BMPER: variants seen among roughly 807,000 people sequenced by gnomAD.
BMPER encodes BMP-binding endothelial regulator protein.
Under a neutral mutation model 87.3 loss-of-function variants are expected in BMPER, and 45 were observed. The observed-to-expected ratio is 0.52, with a 90% confidence interval of 0.41 to 0.66. The LOEUF is 0.66. Ranked by LOEUF, BMPER falls within the 30% of genes least tolerant of loss-of-function variation. The pLI is 0.00. For synonymous variants in BMPER, 326 were observed against 316.2 expected, an observed-to-expected ratio of 1.03 and a Z score of -0.33; for missense variants, 784 against 867.5, an observed-to-expected ratio of 0.90 and a Z score of 1.21.
At chr7:34,145,573 A>C (rs941499663) in intron 14 of BMPER, among the ~76,000 whole-genome samples, 4 of 152,204 alleles carry the variant, frequency 2.6e-5, no homozygotes, top group Non-Finnish European at 5.9e-5. Flanking sequence ...GGGTCCTTCC[A>C]GCCATCTTGA....
intron 12 of BMPER, among the ~76,000 whole-genome samples, chr7:34,080,737 G>C (rs1788991278): frequency 6.6e-6 from 1 of 152,182 alleles, no homozygotes; most frequent in Non-Finnish European, 1.5e-5. Flanking sequence ...AGATTCTACT[G>C]ATATGGAAAT....
chr7:33,936,664 G>A (rs902834550), intron 2 of BMPER, among the ~76,000 whole-genome samples: 1 of 152,180 alleles, frequency 6.6e-6, no homozygotes, highest in African/African-American at 2.4e-5. Context: ...AACCAAAGAT[G>A]CAAATGTTCA....
chr7:34,011,516 T>C, intron 6 of BMPER, among the ~76,000 whole-genome samples: 1 of 147,280 alleles, frequency 6.8e-6, no homozygotes, highest in African/African-American at 2.5e-5. Flanking sequence ...GAGTAAAAAT[T>C]TCCATTAAAG....
At chr7:33,960,999 A>T (rs1455165961) in intron 3 of BMPER, among the ~76,000 whole-genome samples, 1 of 152,184 alleles carries the variant, frequency 6.6e-6, no homozygotes, top group Non-Finnish European at 1.5e-5. Context: ...GAGTCTTGAA[A>T]AAGGATGAGT....
intron 13 of BMPER, among the ~76,000 whole-genome samples, chr7:34,129,675 A>AGAAAGAAAGAAAGAAAGAAAGAAG (rs1198127431): frequency 1.3e-5 from 2 of 151,898 alleles, no homozygotes; most frequent in Non-Finnish European, 2.9e-5. Context: ...AAAGAAAGAA[A>AGAAAGAAAGAAAGAAAGAAAGAAG]GAAAGAAAAC....
chr7:34,130,807 G>A (rs548084717), intron 13 of BMPER, among the ~76,000 whole-genome samples: 2 of 152,294 alleles, frequency 1.3e-5, no homozygotes, highest in East Asian at 3.9e-4. Flanking sequence ...GCTGCATATT[G>A]AAGGAGGAGT....
At chr7:34,102,336 C>G (rs1386663765) in intron 13 of BMPER, among the ~76,000 whole-genome samples, 2 of 152,234 alleles carry the variant, frequency 1.3e-5, no homozygotes, top group East Asian at 3.9e-4. Flanking sequence ...CTAAACCAAT[C>G]ACCCTAGTTG....
intron 11 of BMPER, among the ~76,000 whole-genome samples, chr7:34,078,088 C>T (rs370765469): frequency 2.6e-5 from 4 of 151,888 alleles, no homozygotes; most frequent in African/African-American, 9.7e-5. Context: ...TTAGGGCTGC[C>T]CTAAAGTGTA....
At chr7:33,928,288 C>T (rs761484672) in intron 2 of BMPER, among the ~76,000 whole-genome samples, 2 of 152,096 alleles carry the variant, frequency 1.3e-5, no homozygotes, top group Admixed American at 6.5e-5. Context: ...GAACTGAGCA[C>T]GGTGGCAGAG....
chr7:33,927,473 A>G (rs13221600), intron 2 of BMPER, among the ~76,000 whole-genome samples: 30,922 of 152,114 alleles, frequency 0.2, 3,424 homozygotes, highest in Middle Eastern at 0.38. Flanking sequence ...CTCTTCTTCT[A>G]CCCTTGACAG....
In BMPER at chr7:34,153,448, T is replaced by C. The variant is rs1791236496; in HGVS notation, c.*175T>C. On this transcript the variant is annotated 3_prime_UTR_variant, in exon 15 of 15. Transcript: ENST00000649409. ...AACATTGCATCATTTATATGAACTA[T>C]AGGGGGATTATTATATGTATATTTT... 1.5e-6 allele frequency: 1 copy of C among 660,836 alleles called. No individual in the cohort carries two copies. Among genetic ancestry groups the C allele is most frequent in the South Asian group, 2.0e-5 (1 of 49,782 alleles). 40.9% of individuals were successfully genotyped at this position (660,836 alleles called of 1,614,324 possible).
At chr7:33,932,753 C>T (rs893221751) in intron 2 of BMPER, among the ~76,000 whole-genome samples, 1 of 151,778 alleles carries the variant, frequency 6.6e-6, no homozygotes, top group African/African-American at 2.4e-5. Context: ...AATGAAAGGT[C>T]AAGGAATACT....
chr7:34,010,926 G>T (rs1388863964), intron 6 of BMPER, among the ~76,000 whole-genome samples: 1 of 151,718 alleles, frequency 6.6e-6, no homozygotes, highest in Non-Finnish European at 1.5e-5. Context: ...TTTGGTGTTC[G>T]GAATTAAATA....
chr7:34,099,304 A>G (rs2127982138), intron 13 of BMPER, among the ~76,000 whole-genome samples: 1 of 152,360 alleles, frequency 6.6e-6, no homozygotes, highest in East Asian at 1.9e-4. Flanking sequence ...TAATCTGGTA[A>G]TAGCTCTTGC....
intron 13 of BMPER, among the ~76,000 whole-genome samples, chr7:34,137,575 A>G (rs1790751754): frequency 6.6e-6 from 1 of 152,270 alleles, no homozygotes; most frequent in African/African-American, 2.4e-5. Flanking sequence ...CTGTGCAATA[A>G]GAAAGGTATG....
chr7:34,006,517 T>C (rs17169620), intron 6 of BMPER, among the ~76,000 whole-genome samples: 2,425 of 152,144 alleles, frequency 0.016, 74 homozygotes, highest in African/African-American at 0.056. Context: ...GAGCAAAATT[T>C]GATGTGTACT....
At chr7:33,948,549 C>T (rs1481786093) in intron 3 of BMPER, among the ~76,000 whole-genome samples, 12 of 152,130 alleles carry the variant, frequency 7.9e-5, no homozygotes, top group Non-Finnish European at 1.8e-4. Context: ...GGAGGAGGCA[C>T]CTGGTGGGAG....
chr7:33,934,683 C>T (rs549920865), intron 2 of BMPER, among the ~76,000 whole-genome samples: 36 of 152,262 alleles, frequency 2.4e-4, no homozygotes, highest in East Asian at 5.8e-4. Context: ...TATATTTAAG[C>T]GAATGTGTGC....
At chr7:33,972,882 A>T (rs1785584974) in intron 5 of BMPER, among the ~76,000 whole-genome samples, 1 of 152,190 alleles carries the variant, frequency 6.6e-6, no homozygotes. Context: ...AAGGAACTGT[A>T]TCCACAAGGC....
Sources: gnomAD v4.1 joint callset for allele counts (sites outside exome capture counted in the v4.1 genomes callset) on GRCh38, gnomAD v4.1.1 for gene constraint, MANE v1.5 for transcripts, NCBI Gene and HGNC (gene_info 2026-07-23, HGNC 2026-07-21) for gene names.